The following ZNF208 variants were observed in gnomAD, a reference collection of about 807,000 sequenced individuals.
ZNF208 encodes the protein zinc finger protein 95.
A neutral mutation model predicts 12.1 loss-of-function variants in ZNF208; 10 were observed. That is an observed-to-expected ratio of 0.83 (90% CI 0.51 to 1.40). The LOEUF (loss-of-function observed/expected upper bound fraction) is 1.40. ZNF208 is among the 40% of genes most tolerant of loss of function. The pLI is 0.00. For missense variants in ZNF208, 1,652 were observed against 1,485.0 expected (o/e 1.11, Z -1.85); for synonymous variants, 497 against 488.4 (o/e 1.02, Z -0.23).
rs918138544 is a variant in ZNF208 at position 21,971,064 on chromosome 19, G to A, written c.*127C>T. 30 of 1,610,858 alleles carry A rather than the reference G, an allele frequency of 1.9e-5. No homozygotes were observed. Among genetic ancestry groups the A allele is most frequent in the Non-Finnish European group, 2.3e-5 (27 of 1,178,454 alleles). Reference sequence around the variant, plus strand: ...GTATGAATTCTCTTATGTTCCATAAGGTTTGAGGACCAGTTGAAAGCCTCA... The same window carrying A: ...GTATGAATTCTCTTATGTTCCATAAAGTTTGAGGACCAGTTGAAAGCCTCA... On this transcript the variant is annotated 3_prime_UTR_variant, in exon 4 of 4. Coordinates refer to ENST00000397126, the MANE Select transcript of ZNF208 (RefSeq NM_007153.3).
intron 1 of ZNF208, among the ~76,000 whole-genome samples, chr19:22,008,983 T>A (rs1293358313): frequency 2.0e-5 from 3 of 152,114 alleles, no homozygotes; most frequent in African/African-American, 7.2e-5. Context: ...TTTCCCCAGA[T>A]AGTACTGAAT....
intron 3 of ZNF208, among the ~76,000 whole-genome samples, chr19:21,982,274 C>T (rs972129875): frequency 7.4e-5 from 11 of 147,800 alleles, no homozygotes; most frequent in African/African-American, 2.0e-4. Context: ...AGGAGAATGG[C>T]GTGAACCTGG....
intron 1 of ZNF208, 54 bp downstream of exon 1, chr19:22,010,738 C>A: frequency 6.2e-7 from 1 of 1,614,142 alleles, no homozygotes. Flanking sequence ...CACTTCCCAC[C>A]GGTTCCAAGC....
At position 21,970,585 on chromosome 19, in the gene ZNF208, T is replaced by G; in HGVS notation, c.*606A>C. Reference sequence around the variant, plus strand: ...AAGGTGTGAGGACCAGTTGAAGTCTTTATCACATTCTTCACATTTGTAGGG... The same window carrying G: ...AAGGTGTGAGGACCAGTTGAAGTCTGTATCACATTCTTCACATTTGTAGGG... On this transcript the variant is annotated 3_prime_UTR_variant, in exon 4 of 4. Transcript: ENST00000397126. The G allele has an allele frequency of 3.6e-6, 3 of 832,164 alleles. No homozygotes were observed. The highest frequency in any genetic ancestry group is 2.1e-5 in the Admixed American group (1 of 46,920). The allele number at this position is 832,164 out of a possible 1,614,324, so 51.5% of individuals were successfully genotyped here.
At chr19:21,963,468 G>GA (rs1970111914), downstream of ZNF208, among the ~76,000 whole-genome samples, 1 of 151,978 alleles carries the variant, frequency 6.6e-6, no homozygotes, top group African/African-American at 2.4e-5. Flanking sequence ...TCTGAACATA[G>GA]AATTTTCCAT....
intron 3 of ZNF208, among the ~76,000 whole-genome samples, chr19:21,978,732 T>C (rs144410096): frequency 1.8e-4 from 28 of 152,260 alleles, no homozygotes; most frequent in African/African-American, 5.5e-4. Flanking sequence ...GTTTGACGAA[T>C]TGACAGCTCA....
intron 4 of ZNF208, among the ~76,000 whole-genome samples, chr19:21,957,096 G>A (rs1448946507): frequency 6.6e-6 from 1 of 152,158 alleles, no homozygotes; most frequent in Non-Finnish European, 1.5e-5. Context: ...CCAGCATGCA[G>A]TGGCACAATC....
chr19:22,004,469 A>G (rs2145585722), intron 1 of ZNF208, among the ~76,000 whole-genome samples: 1 of 151,508 alleles, frequency 6.6e-6, no homozygotes, highest in Non-Finnish European at 1.5e-5. Context: ...GCCGAGATCA[A>G]GCCACTGCAC....
chr19:22,008,302 C>CAAAAAA (rs71180503), intron 1 of ZNF208, among the ~76,000 whole-genome samples: 1,842 of 98,472 alleles, frequency 0.019, 57 homozygotes, highest in Middle Eastern at 0.031. Flanking sequence ...GACTCTATCT[C>CAAAAAA]AAAAAAAAAA....
rs780050434 is a variant in ZNF208 at position 21,971,372 on chromosome 19, C to T, written c.3662G>A (p.Gly1221Glu). 6.2e-7 allele frequency: 1 copy of T among 1,608,692 alleles called. No individual in the cohort carries two copies. The highest frequency in any genetic ancestry group is 8.5e-7 in the Non-Finnish European group (1 of 1,178,952). ...TTCTTCACATTTGTAGGGTTTCTCTCCAGTATGAATTTTCTTGTGATATCT... is the reference window on the plus strand; with the variant it reads ...TTCTTCACATTTGTAGGGTTTCTCTTCAGTATGAATTTTCTTGTGATATCT... ...TLRYHKKIHT[G>E]EKPYKCEECG... Residue 1221 changes from glycine (G) to glutamate (E), a missense_variant, in exon 4 of 4, where the codon GGA becomes GAA. Physicochemically the swap from Gly to Glu is moderately conservative, Grantham distance 98. Around this residue, in one of 3 missense-constraint regions of ZNF208, gnomAD observed 1,239 missense variants for 1,086.2 expected, o/e 1.14. Transcript: ENST00000397126.
intron 1 of ZNF208, among the ~76,000 whole-genome samples, chr19:22,004,987 A>G (rs1020336269): frequency 1.3e-5 from 2 of 152,226 alleles, no homozygotes; most frequent in Non-Finnish European, 2.9e-5. Context: ...GGTTTGTCCT[A>G]TAGATAGTGG....
rs750132852 is a variant in ZNF208, at chr19:21,973,238, T to A, written c.1796A>T (p.His599Leu). Residue 599 changes from histidine to leucine, a missense_variant, in exon 4 of 4, where the codon CAT becomes CTT. Physicochemically the swap from His to Leu is moderately conservative, Grantham distance 99 (BLOSUM62 -3). This residue lies in a region of ZNF208 where 1,239 missense variants were observed against 1,086.2 expected (regional missense o/e 1.14). Transcript: ENST00000397126. Reference sequence around the variant, plus strand: ...TTTCTCACCAGTATGAATTCTCTTATGTTTAATAAGAATTGCAGATTGGTT... The same window carrying A: ...TTTCTCACCAGTATGAATTCTCTTAAGTTTAATAAGAATTGCAGATTGGTT... ...AFNQSAILIK[H>L]KRIHTGEKPY... 47 of 1,613,464 alleles carry A rather than the reference T, an allele frequency of 2.9e-5. No individual in the cohort carries two copies. The highest frequency in any genetic ancestry group is 3.8e-5 in the Non-Finnish European group (45 of 1,179,932).
At position 21,956,394 on chromosome 19, in the gene ZNF208, A is replaced by T. The variant is rs901676575; in HGVS notation, c.305+18335T>A. ...AGACAGGGACATTTAAGTCTGCAGA[A>T]GTTTCTGCTCCCTTTTGTTCAGCTA... On this transcript the variant is annotated intron_variant, in intron 4 of 4. Transcript: ENST00000599916. Among the ~76,000 whole-genome samples, 11 of 152,216 alleles carry T rather than the reference A, an allele frequency of 7.2e-5. No homozygotes were observed. The South Asian group carries it at 1.7e-3, about 23-fold the overall frequency.
At chr19:21,983,500 G>A (rs1970581929) in intron 3 of ZNF208, among the ~76,000 whole-genome samples, 1 of 152,114 alleles carries the variant, frequency 6.6e-6, no homozygotes, top group East Asian at 1.9e-4. Flanking sequence ...TCCCATTACT[G>A]GGTATATACT....
rs1432080953 is a variant in ZNF208, at chr19:21,971,489, G to A, written c.3545C>T (p.Ser1182Leu). ...AATTACCTTATGTTTTGCAAGGATT[G>A]AGAACATAACAAAGCCTTTGCCACA... ...EECGKGFVMFSILAKHKVIHT... is the reference protein window; with the variant it reads ...EECGKGFVMFLILAKHKVIHT... Residue 1182 changes from serine (S) to leucine (L), a missense_variant, in exon 4 of 4, where the codon TCA becomes TTA. Physicochemically the swap from Ser to Leu is moderately radical, Grantham distance 145 (BLOSUM62 -2). Transcript: ENST00000397126. The A allele has an allele frequency of 6.2e-7, 1 of 1,611,342 alleles. No individual in the cohort carries two copies. Among genetic ancestry groups the A allele is most frequent in the East Asian group, 2.2e-5 (1 of 44,812 alleles).
At chr19:21,988,697 A>G (rs1027501398) in intron 2 of ZNF208, 86 bp downstream of exon 2, 3 of 1,605,678 alleles carry the variant, frequency 1.9e-6, no homozygotes, top group Non-Finnish European at 2.5e-6. Flanking sequence ...TCTCACATTC[A>G]TCCTCCGTTG....
intron 1 of ZNF208, among the ~76,000 whole-genome samples, chr19:21,991,977 A>T (rs563483590): frequency 6.6e-6 from 1 of 152,304 alleles, no homozygotes; most frequent in African/African-American, 2.4e-5. Flanking sequence ...TGGCCCAAAA[A>T]GACTATTTTG....
chr19:21,986,064 T>C (rs1400856862), intron 3 of ZNF208, among the ~76,000 whole-genome samples: 1 of 152,198 alleles, frequency 6.6e-6, no homozygotes. Flanking sequence ...GAAACCAGTT[T>C]ATAAAAACTT....
At chr19:21,961,490 A>T (rs141787730), downstream of ZNF208, among the ~76,000 whole-genome samples, 3 of 152,168 alleles carry the variant, frequency 2.0e-5, no homozygotes, top group Non-Finnish European at 2.9e-5. Context: ...TTTGATAAAC[A>T]TCCTAAACAA....
Sources: allele counts gnomAD v4.1 joint callset (sites outside exome capture counted in the v4.1 genomes callset), GRCh38; gene constraint gnomAD v4.1.1; regional missense constraint gnomAD v4.1.1; transcripts MANE v1.5; gene names NCBI Gene and HGNC (gene_info 2026-07-23, HGNC 2026-07-21).